The following PPFIA4 variants were observed in gnomAD, a reference collection of about 807,000 sequenced individuals.
PPFIA4 encodes the protein liprin-alpha-4.
A neutral mutation model predicts 145.7 loss-of-function variants in PPFIA4; 98 were observed. The observed-to-expected ratio is 0.67, with a 90% CI of 0.57 to 0.80. The LOEUF is 0.80. Among genes scored for constraint, PPFIA4 ranks in the 30% least tolerant of loss-of-function variants. The pLI is 0.00. For synonymous variants in PPFIA4, 628 were observed against 649.6 expected (o/e 0.97, Z 0.51); for missense variants, 1,457 against 1,632.7 (o/e 0.89, Z 1.85).
At chr1:203,059,030 G>A (rs1299214599) in intron 19 of PPFIA4, 148 bp from the exon 20 acceptor site, 15 of 649,428 alleles carry the variant, frequency 2.3e-5, no homozygotes, top group Non-Finnish European at 4.1e-5. Flanking sequence ...CAGGGACACT[G>A]AGCAGAAGCT....
chr1:203,063,898 A>G lies in PPFIA4; in HGVS notation c.2945A>G (p.Gln982Arg). 1 of 1,614,070 alleles carries G rather than the reference A, an allele frequency of 6.2e-7. No individual in the cohort carries two copies. The highest frequency in any genetic ancestry group is 8.5e-7 in the Non-Finnish European group (1 of 1,179,902). ...TGGCTACCCAGCCTGGGGCTCCCGC[A>G]GTACCGCAGCTACTTCATGGAGTGC... ...NEWLPSLGLP[Q>R]YRSYFMECLV... Residue 982 changes from glutamine (Q) to arginine (R), a missense_variant, in exon 25 of 30, where the codon CAG becomes CGG. This residue lies in a region of PPFIA4 where 848 missense variants were observed against 1,046.7 expected (regional missense o/e 0.81). Coordinates refer to ENST00000295706, the MANE Select transcript of PPFIA4 (RefSeq NM_001304331.2).
chr1:203,034,363 C>A (rs777158240), intron 1 of PPFIA4: 1 of 438,562 alleles, frequency 2.3e-6, no homozygotes, highest in African/African-American at 2.0e-5. Flanking sequence ...GGCTGGATTT[C>A]TGGAGGAGAG....
rs1050624526 is a variant in PPFIA4 at position 203,078,412 on chromosome 1, G to C, written c.*2022G>C. On this transcript the variant is annotated 3_prime_UTR_variant, in exon 30 of 30. Coordinates refer to ENST00000295706, the MANE Select transcript of PPFIA4 (RefSeq NM_001304331.2). ...AACTCCTGCCACTGTTGGCCATGTC[G>C]TAAGGCAGCAGCTGTGCCAGGATAG... 6.6e-6 allele frequency: 1 copy of C among 152,346 alleles called. No homozygotes were observed. The highest frequency in any genetic ancestry group is 1.5e-5 in the Non-Finnish European group (1 of 68,056). The allele number at this position is 152,346 out of a possible 1,614,324, so 9.4% of individuals were successfully genotyped here.
chr1:203,065,812 G>A (rs977758481), intron 25 of PPFIA4, among the ~76,000 whole-genome samples: 10 of 152,224 alleles, frequency 6.6e-5, no homozygotes, highest in Admixed American at 3.9e-4. Flanking sequence ...CCAGCCAGGT[G>A]ATTACAGAAT....
chr1:203,028,183 G>A (rs1296035396), intron 1 of PPFIA4, among the ~76,000 whole-genome samples: 1 of 152,168 alleles, frequency 6.6e-6, no homozygotes, highest in Non-Finnish European at 1.5e-5. Context: ...GTGTAGAAGG[G>A]AATTCGCATC....
intron 1 of PPFIA4, among the ~76,000 whole-genome samples, chr1:203,032,430 T>TTTTTTTTTTTTTTTTTTTTTTTTG: frequency 7.2e-6 from 1 of 139,382 alleles, no homozygotes; most frequent in East Asian, 2.1e-4. Context: ...TCCCCGCTTT[T>TTTTTTTTTTTTTTTTTTTTTTTTG]TTGTTGTTGT....
intron 1 of PPFIA4, among the ~76,000 whole-genome samples, chr1:203,031,457 AC>A (rs33984390): frequency 0.66 from 100,456 of 151,782 alleles, 33,418 homozygotes; most frequent in South Asian, 0.7. Context: ...GACACATGAC[AC>A]CCCCCCATTC....
intron 13 of PPFIA4, among the ~76,000 whole-genome samples, chr1:203,050,981 A>G (rs541751689): frequency 2.2e-4 from 33 of 152,070 alleles, no homozygotes; most frequent in African/African-American, 8.0e-4. Context: ...AAAGGGGAAC[A>G]TGCAGGAACT....
intron 25 of PPFIA4, among the ~76,000 whole-genome samples, chr1:203,065,026 C>T (rs1352653294): frequency 1.3e-5 from 2 of 152,198 alleles, no homozygotes; most frequent in Non-Finnish European, 2.9e-5. Flanking sequence ...TCTCAGGGCT[C>T]TGTGGATGTC....
intron 2 of PPFIA4, among the ~76,000 whole-genome samples, chr1:203,042,410 A>C (rs1273244297): frequency 6.6e-6 from 1 of 152,210 alleles, no homozygotes; most frequent in Non-Finnish European, 1.5e-5. Context: ...CTGCCTTGGC[A>C]TCAGGAGCTG....
chr1:203,058,224 C>CGAGAGGAGGAGGGAGA (rs1558090283), intron 19 of PPFIA4, among the ~76,000 whole-genome samples: 1 of 151,336 alleles, frequency 6.6e-6, no homozygotes, highest in Non-Finnish European at 1.5e-5. Context: ...AGGGAGAGCA[C>CGAGAGGAGGAGGGAGA]GCGAGGAGGA....
chr1:203,072,350 A>G (rs1444357995), intron 28 of PPFIA4, among the ~76,000 whole-genome samples: 1 of 152,144 alleles, frequency 6.6e-6, no homozygotes, highest in East Asian at 1.9e-4. Context: ...ACCAAGTTAA[A>G]GTTTTCCTCT....
At position 203,043,336 on chromosome 1, in the gene PPFIA4, T is replaced by C. The variant is rs925452186; in HGVS notation, c.235-61T>C. 34 of 1,434,250 alleles carry C rather than the reference T, an allele frequency of 2.4e-5. No individual in the cohort carries two copies. The highest frequency in any genetic ancestry group is 5.9e-5 in the Admixed American group (3 of 51,100). 88.8% of individuals were successfully genotyped at this position (1,434,250 alleles called of 1,614,324 possible). Reference sequence around the variant, plus strand: ...GAGAGGATCCCACCACTGACTTGCATGTGCAGGACACTGCTTTGGGGGTGA... The same window carrying C: ...GAGAGGATCCCACCACTGACTTGCACGTGCAGGACACTGCTTTGGGGGTGA... On this transcript the variant is annotated intron_variant, in intron 2 of 29. Coordinates refer to ENST00000295706, the MANE Select transcript of PPFIA4 (RefSeq NM_001304331.2). This position sits in a 1 kb window ranked among gnomAD's most constrained non-coding sequence, Gnocchi z 4.4.
At chr1:203,057,844 C>T (rs1661082862) in intron 19 of PPFIA4, among the ~76,000 whole-genome samples, 1 of 152,150 alleles carries the variant, frequency 6.6e-6, no homozygotes, top group Admixed American at 6.5e-5. Flanking sequence ...GTGTGAGGGC[C>T]ACATAGGAAT....
intron 1 of PPFIA4, among the ~76,000 whole-genome samples, chr1:203,032,263 T>C (rs1013126161): frequency 6.6e-6 from 1 of 152,142 alleles, no homozygotes; most frequent in Non-Finnish European, 1.5e-5. Context: ...TTCACCCTCC[T>C]TTTGGCCTTG....
At chr1:203,052,605 C>G (rs1660615371) in intron 14 of PPFIA4, among the ~76,000 whole-genome samples, 1 of 152,056 alleles carries the variant, frequency 6.6e-6, no homozygotes, top group South Asian at 2.1e-4. Context: ...TTTCTTTCTC[C>G]CCCGACTTCT....
intron 6 of PPFIA4, 80 bp from the exon 7 acceptor site, chr1:203,045,288 T>C: frequency 7.8e-7 from 1 of 1,286,570 alleles, no homozygotes; most frequent in Non-Finnish European, 1.1e-6. Flanking sequence ...GTGCTGTTCC[T>C]CCTTCCACCC....
In PPFIA4 at chr1:203,051,789, C is replaced by T; in HGVS notation, c.1532C>T (p.Ala511Val). The change falls in exon 14 of 30, where the codon GCA (alanine) becomes GTA (valine). Residue 511 changes from alanine to valine, a missense_variant. Physicochemically the swap from Ala to Val is moderately conservative, Grantham distance 64. Coordinates refer to ENST00000295706, the MANE Select transcript of PPFIA4 (RefSeq NM_001304331.2). ...TCAAGGTCGCACATGGGCAGTGCAG[C>T]AGACGTGCGGTTCTCCCTGGGCACA... ...VHSRSHMGSA[A>V]DVRFSLGTTT... 6.2e-7 allele frequency: 1 copy of T among 1,613,324 alleles called. No individual in the cohort carries two copies. Among genetic ancestry groups the T allele is most frequent in the Non-Finnish European group, 8.5e-7 (1 of 1,179,674 alleles).
chr1:203,043,381 C>T lies in PPFIA4; in HGVS notation c.235-16C>T. On this transcript the variant is annotated splice_polypyrimidine_tract_variant and intron_variant, in intron 2 of 29. Transcript: ENST00000295706. This position sits in a 1 kb window ranked among gnomAD's most constrained non-coding sequence, Gnocchi z 4.4. The stretch of plus-strand genomic sequence containing the variant: ...GGGTGAATCCTGAAGCACTGAGGGG[C>T]CTTGGGGGTTTTCAGGAATTTGCCA... The T allele has an allele frequency of 1.3e-6, 2 of 1,599,644 alleles. No homozygotes were observed. Among genetic ancestry groups the T allele is most frequent in the South Asian group, 2.2e-5 (2 of 88,914 alleles).
Sources: allele counts gnomAD v4.1 joint callset (sites outside exome capture counted in the v4.1 genomes callset), GRCh38; gene constraint gnomAD v4.1.1; regional missense constraint gnomAD v4.1.1; non-coding constraint Gnocchi (gnomAD v3.1); transcripts MANE v1.5; gene names NCBI Gene and HGNC (gene_info 2026-07-23, HGNC 2026-07-21).